CRYBG2: variants seen among roughly 807,000 people sequenced by gnomAD.
CRYBG2 encodes crystallin beta-gamma domain containing 2.
CRYBG2 carries 106 observed loss-of-function variants against 153.4 expected under a neutral mutation model. The ratio of observed to expected loss-of-function variants is 0.69; its 90% CI spans 0.59 to 0.81. The LOEUF is 0.81. Ranked by LOEUF, CRYBG2 falls within the 30% of genes least tolerant of loss-of-function variation. CRYBG2 has a pLI of 0.00. For missense variants in CRYBG2, 1,996 were observed against 2,112.0 expected (o/e 0.95, Z 1.08); for synonymous variants, 851 against 877.8 (o/e 0.97, Z 0.54).
intron 10 of CRYBG2, 122 bp downstream of exon 10, chr1:26,337,131 C>T: frequency 6.4e-7 from 1 of 1,556,822 alleles, no homozygotes; most frequent in Non-Finnish European, 8.7e-7. Context: ...GAGGCTAGAC[C>T]TCTGGGAACA....
intron 5 of CRYBG2, among the ~76,000 whole-genome samples, chr1:26,340,126 C>T (rs1191558116): frequency 6.6e-6 from 1 of 152,234 alleles, no homozygotes; most frequent in East Asian, 1.9e-4. Flanking sequence ...TCCAGACTGG[C>T]TTTGCCTGCA....
In CRYBG2 at chr1:26,337,284, T is replaced by C; in HGVS notation, c.3740A>G (p.Glu1247Gly). The change falls in exon 10 of 20, where the codon GAG (glutamate) becomes GGG (glycine). Residue 1247 changes from glutamate (E) to glycine (G), a missense_variant. Physicochemically the swap from Glu to Gly is moderately conservative, Grantham distance 98. Coordinates refer to ENST00000308182, the MANE Select transcript of CRYBG2 (RefSeq NM_001039775.4). ...GATGACCCGGAGGGAGGTCAGCAAC[T>C]CGTCATAGCCTCCCCAGTGTGACCA... The part of the protein sequence containing the change: ...PDWSHWGGYD[E>G]LLTSLRVIRT... The C allele has an allele frequency of 6.2e-7, 1 of 1,613,982 alleles. No homozygotes were observed. The highest frequency in any genetic ancestry group is 8.5e-7 in the Non-Finnish European group (1 of 1,179,982).
At chr1:26,342,637 G>A (rs887865621) in intron 5 of CRYBG2, 117 bp downstream of exon 5, 13 of 1,459,994 alleles carry the variant, frequency 8.9e-6, no homozygotes, top group East Asian at 6.9e-5. Flanking sequence ...GTCCTCAGCC[G>A]ATCCACCTGC....
chr1:26,347,285 T>C (rs35187876), intron 1 of CRYBG2, among the ~76,000 whole-genome samples: 2 of 83,984 alleles, frequency 2.4e-5, no homozygotes, highest in African/African-American at 8.7e-5. Context: ...TCCCCCTGCG[T>C]TTTTTTTTTT....
rs755966991 is a variant in CRYBG2 at position 26,336,228 on chromosome 1, T to TG, written c.4072-22dup. 24 of 1,560,410 alleles carry TG rather than the reference T, an allele frequency of 1.5e-5. No individual in the cohort carries two copies. The East Asian group carries it at 5.5e-4, about 36-fold the overall frequency. On this transcript the variant is annotated intron_variant, in intron 13 of 19. Transcript: ENST00000308182. This position sits in a 1 kb window ranked among gnomAD's most constrained non-coding sequence, Gnocchi z 4.9. ...TGAATCTGGAGGCAGAGAGGGGAGA[T>TG]GAGGGGAAGGAGGACGATGGAGTGG...
At position 26,343,900 on chromosome 1, in the gene CRYBG2, C is replaced by A. The variant is rs558214352; in HGVS notation, c.2758G>T (p.Ala920Ser). Residue 920 changes from alanine (A) to serine (S), a missense_variant, in exon 2 of 20, where the codon GCC becomes TCC. Ala to Ser is a moderately conservative substitution (Grantham distance 99). Coordinates refer to ENST00000308182, the MANE Select transcript of CRYBG2 (RefSeq NM_001039775.4). The surrounding 1 kb of genome is among the most constrained non-coding windows in gnomAD (Gnocchi z 4.1). ...GTGCCCAGCGGTTCCGGGGTGGAGG[C>A]CTCCTTGGCGGTAGGCACCAGACTG... The part of the protein sequence containing the change: ...FGSLVPTAKE[A>S]STPEPLGTKL... 2.5e-5 allele frequency: 39 copies of A among 1,530,232 alleles called. No individual in the cohort carries two copies. Among genetic ancestry groups the A allele is most frequent in the Middle Eastern group, 3.4e-4 (2 of 5,892 alleles). The allele number at this position is 1,530,232 out of a possible 1,614,324, so 94.8% of individuals were successfully genotyped here.
chr1:26,336,930 C>A lies in CRYBG2; in HGVS notation c.3822G>T (p.Gly1274=). 2 of 1,613,112 alleles carry A rather than the reference C, an allele frequency of 1.2e-6. No individual in the cohort carries two copies. The highest frequency in any genetic ancestry group is 1.7e-6 in the Non-Finnish European group (2 of 1,179,670). ...ATGCCTTGCTCACCTCCACGCCGTG[C>A]CCCTCGAAGTCCATGGCCTCAAATA... The part of the protein sequence containing the change: ...VVLFEAMDFE[G]HGVEVSKALP... Residue 1274 remains glycine (G), a synonymous_variant, in exon 11 of 20, where the codon GGG becomes GGT. Transcript: ENST00000308182. This position sits in a 1 kb window ranked among gnomAD's most constrained non-coding sequence, Gnocchi z 4.9.
In CRYBG2 at chr1:26,346,096, C is replaced by A; in HGVS notation, c.562G>T (p.Val188Leu). 1 of 1,575,126 alleles carries A rather than the reference C, an allele frequency of 6.3e-7. No individual in the cohort carries two copies. Among genetic ancestry groups the A allele is most frequent in the South Asian group, 1.1e-5 (1 of 88,228 alleles). Residue 188 changes from valine to leucine, a missense_variant, in exon 2 of 20, where the codon GTG becomes TTG. By Grantham distance (32) the Val-to-Leu change is conservative (BLOSUM62 1). Transcript: ENST00000308182. This position sits in a 1 kb window ranked among gnomAD's most constrained non-coding sequence, Gnocchi z 4.9. ...ACAGAGCTGCTCATCCGCCGGTCCA[C>A]ATGACCTCCCACCACTGTGGTGGTC... ...VRTTTVVGGHVDRRMSSSVTV... is the reference protein window; with the variant it reads ...VRTTTVVGGHLDRRMSSSVTV...
chr1:26,344,470 C>G lies in CRYBG2; in HGVS notation c.2188G>C (p.Ala730Pro). Residue 730 changes from alanine to proline, a missense_variant, in exon 2 of 20, where the codon GCA (alanine) becomes CCA (proline). Coordinates refer to ENST00000308182, the MANE Select transcript of CRYBG2 (RefSeq NM_001039775.4). ...AGCTGGGACTCCGTGCTGGCCTCTG[C>G]TCCTGTTGGCACTGGGGCAGGGGTG... ...GGTPAPVPTG[A>P]EASTESQLVS... is the part of the protein sequence containing the mutation. 1 of 1,538,088 alleles carries G rather than the reference C, an allele frequency of 6.5e-7. No homozygotes were observed.
intron 14 of CRYBG2, among the ~76,000 whole-genome samples, chr1:26,333,041 A>AAAAAAAAAAAAAAAAAAAAAAAAC (rs2074015936): frequency 7.0e-6 from 1 of 143,786 alleles, no homozygotes; most frequent in African/African-American, 2.7e-5. Context: ...AAAAAAAAAA[A>AAAAAAAAAAAAAAAAAAAAAAAAC]AAAAAGATTT....
intron 1 of CRYBG2, among the ~76,000 whole-genome samples, chr1:26,347,298 T>TTTG (rs1399179216): frequency 8.7e-5 from 12 of 138,626 alleles, no homozygotes; most frequent in Admixed American, 3.6e-4. Flanking sequence ...TTTTTTTTTT[T>TTTG]TTTTTTTTTT....
intron 14 of CRYBG2, among the ~76,000 whole-genome samples, chr1:26,334,573 C>T (rs761624271): frequency 3.9e-5 from 6 of 152,016 alleles, no homozygotes; most frequent in Non-Finnish European, 8.8e-5. Flanking sequence ...GTTTAAGACA[C>T]GGTAATTTGA....
At chr1:26,352,007 C>G (rs973059358) in intron 1 of CRYBG2, among the ~76,000 whole-genome samples, 36 of 152,080 alleles carry the variant, frequency 2.4e-4, no homozygotes, top group Admixed American at 6.5e-5. Context: ...CCTGTGACCT[C>G]CAAACAAGGC....
chr1:26,345,860 C>T lies in CRYBG2; in HGVS notation c.798G>A (p.Leu266=). ...TCAAGGCTGCCCCCACTGTGCTGCC[C>T]AGACCTGTGCTCCTTGGCCCGCCAG... ...PTAGGPRSTG[L]GSTVGAALRQ... is the part of the protein sequence containing the mutation. The change falls in exon 2 of 20, where the codon CTG becomes CTA. Residue 266 remains leucine (L), a synonymous_variant. Coordinates refer to ENST00000308182, the MANE Select transcript of CRYBG2 (RefSeq NM_001039775.4). 1.3e-6 allele frequency: 2 copies of T among 1,596,932 alleles called. No homozygotes were observed. Among genetic ancestry groups the T allele is most frequent in the Non-Finnish European group, 1.7e-6 (2 of 1,179,348 alleles).
intron 14 of CRYBG2, among the ~76,000 whole-genome samples, chr1:26,333,245 C>A (rs1396365113): frequency 6.6e-6 from 1 of 151,898 alleles, no homozygotes; most frequent in Admixed American, 6.6e-5. Flanking sequence ...GAGGGTGAGA[C>A]CCCATGATGG....
In CRYBG2 at chr1:26,346,294, C is replaced by T. The variant is rs765947473; in HGVS notation, c.364G>A (p.Asp122Asn). The change falls in exon 2 of 20, where the codon GAT becomes AAT. Residue 122 changes from aspartate to asparagine, a missense_variant. By Grantham distance (23) the Asp-to-Asn change is conservative (BLOSUM62 1). Coordinates refer to ENST00000308182, the MANE Select transcript of CRYBG2 (RefSeq NM_001039775.4). The surrounding 1 kb of genome is among the most constrained non-coding windows in gnomAD (Gnocchi z 4.9). ...GRLKEAVDQSDGSRQAPRTEP... is the reference protein window; with the variant it reads ...GRLKEAVDQSNGSRQAPRTEP... ...GTCCTGGGAGCTTGGCGGCTGCCATCACTCTGGTCCACAGCCTCCTTCAGC... is the reference window on the plus strand; with the variant it reads ...GTCCTGGGAGCTTGGCGGCTGCCATTACTCTGGTCCACAGCCTCCTTCAGC... 4 of 1,597,284 alleles carry T rather than the reference C, an allele frequency of 2.5e-6. No homozygotes were observed. Among genetic ancestry groups the T allele is most frequent in the African/African-American group, 1.3e-5 (1 of 74,814 alleles).
rs1200061535 is a variant in CRYBG2 at position 26,344,332 on chromosome 1, G to T, written c.2326C>A (p.Pro776Thr). 4 of 1,501,924 alleles carry T rather than the reference G, an allele frequency of 2.7e-6. No homozygotes were observed. Among genetic ancestry groups the T allele is most frequent in the South Asian group, 2.6e-5 (2 of 78,086 alleles). 93.0% of individuals were successfully genotyped at this position (1,501,924 alleles called of 1,614,324 possible). ...IFLDTLRSME[P>T]PEILRTHRLP... ...CGGTGAGTGCGGAGGATCTCAGGGG[G>T]CTCCATGCTCCGCAGCGTATCCAGG... Residue 776 changes from proline (P) to threonine (T), a missense_variant, in exon 2 of 20, where the codon CCC (proline) becomes ACC (threonine). Coordinates refer to ENST00000308182, the MANE Select transcript of CRYBG2 (RefSeq NM_001039775.4).
chr1:26,337,488 G>A (rs750147775), intron 9 of CRYBG2, 50 bp downstream of exon 9: 4 of 1,605,640 alleles, frequency 2.5e-6, no homozygotes, highest in South Asian at 2.2e-5. Context: ...CCACTCCCAA[G>A]GGTAAAGGCC....
intron 17 of CRYBG2, among the ~76,000 whole-genome samples, chr1:26,326,317 C>A (rs2073926354): frequency 6.6e-6 from 1 of 151,998 alleles, no homozygotes; most frequent in African/African-American, 2.4e-5. Context: ...ACGGGCGGAT[C>A]ATGAGGTCAG....
Sources: allele counts gnomAD v4.1 joint callset (sites outside exome capture counted in the v4.1 genomes callset), GRCh38; gene constraint gnomAD v4.1.1; non-coding constraint Gnocchi (gnomAD v3.1); transcripts MANE v1.5; gene names NCBI Gene and HGNC (gene_info 2026-07-23, HGNC 2026-07-21).